Variants in RARB observed in about 807,000 individuals in gnomAD.
The protein encoded by RARB is retinoic acid receptor beta, also known as HBV-activated protein.
Under a neutral mutation model 51.9 loss-of-function variants are expected in RARB, and 17 were observed. The ratio of observed to expected loss-of-function variants is 0.33; its 90% CI spans 0.22 to 0.49. The LOEUF is 0.49. Among genes scored for constraint, RARB ranks in the 20% least tolerant of loss-of-function variants. RARB has a pLI of 0.99. For synonymous variants in RARB, 215 were observed against 195.4 expected, an observed-to-expected ratio of 1.10 and a Z score of -0.84; for missense variants, 369 against 550.8, an observed-to-expected ratio of 0.67 and a Z score of 3.30.
intron 2 of RARB, among the ~76,000 whole-genome samples, chr3:24,956,767 G>A (rs1304140239): frequency 6.6e-6 from 1 of 152,196 alleles, no homozygotes; most frequent in Non-Finnish European, 1.5e-5. Context: ...TCATACAAAG[G>A]CTTAGGAAGT....
intron 5 of RARB, among the ~76,000 whole-genome samples, chr3:25,299,703 T>C (rs1270418346): frequency 6.6e-6 from 1 of 152,216 alleles, no homozygotes; most frequent in African/African-American, 2.4e-5. Context: ...AGGAACATTA[T>C]TCTGAGAAGA....
chr3:25,195,114 C>G (rs1464031465), intron 5 of RARB, among the ~76,000 whole-genome samples: 1 of 151,950 alleles, frequency 6.6e-6, no homozygotes, highest in African/African-American at 2.4e-5. Context: ...TTTCATGGTA[C>G]AAAAGGTCTT....
chr3:25,147,520 C>T (rs904015440), intron 4 of RARB, among the ~76,000 whole-genome samples: 3 of 152,092 alleles, frequency 2.0e-5, no homozygotes, highest in Non-Finnish European at 2.9e-5. Context: ...TGTTATATCT[C>T]ATTTTCAAAA....
intron 5 of RARB, among the ~76,000 whole-genome samples, chr3:25,190,849 G>C (rs1701086179): frequency 6.6e-6 from 1 of 152,034 alleles, no homozygotes; most frequent in Non-Finnish European, 1.5e-5. Flanking sequence ...TTGGGACTTG[G>C]AGTTTTTATG....
At chr3:25,009,861 G>C (rs11129177) in intron 2 of RARB, among the ~76,000 whole-genome samples, 33,415 of 151,898 alleles carry the variant, frequency 0.22, 4,591 homozygotes, top group Admixed American at 0.36. Flanking sequence ...CAGTGGAAGG[G>C]GAGACAAGCA....
chr3:25,373,133 TCAAG>T (rs1327430995), intron 5 of RARB, among the ~76,000 whole-genome samples: 1 of 152,146 alleles, frequency 6.6e-6, no homozygotes, highest in Non-Finnish European at 1.5e-5. Flanking sequence ...GAGAAAACAG[TCAAG>T]CAGGCTGTTA....
intron 4 of RARB, among the ~76,000 whole-genome samples, chr3:25,577,923 T>A (rs6803265): frequency 0.24 from 36,756 of 152,214 alleles, 4,984 homozygotes; most frequent in African/African-American, 0.36. Flanking sequence ...CTGTAGCCCC[T>A]GCCGAAGAGG....
intron 5 of RARB, among the ~76,000 whole-genome samples, chr3:25,305,505 C>A (rs1005927942): frequency 1.1e-4 from 17 of 152,156 alleles, no homozygotes; most frequent in African/African-American, 3.9e-4. Context: ...CAGAGCTGTA[C>A]CACAAGCAAC....
chr3:25,141,691 T>G (rs1700108719), intron 4 of RARB, among the ~76,000 whole-genome samples: 1 of 152,222 alleles, frequency 6.6e-6, no homozygotes, highest in Non-Finnish European at 1.5e-5. Flanking sequence ...ATATTTAAAT[T>G]AGGGCTTTAA....
At chr3:25,156,273 T>A (rs1324131420) in intron 4 of RARB, among the ~76,000 whole-genome samples, 1 of 152,264 alleles carries the variant, frequency 6.6e-6, no homozygotes, top group East Asian at 1.9e-4. Flanking sequence ...TGATCTTCTT[T>A]GTTTCTGTAA....
intron 5 of RARB, among the ~76,000 whole-genome samples, chr3:25,250,014 T>A (rs1021389794): frequency 8.3e-6 from 1 of 119,786 alleles, no homozygotes; most frequent in Non-Finnish European, 1.7e-5. Context: ...CCCCTGGGCA[T>A]CAGAAATTGC....
intron 2 of RARB, among the ~76,000 whole-genome samples, chr3:25,476,627 C>T (rs558759613): frequency 1.3e-5 from 2 of 152,216 alleles, no homozygotes; most frequent in South Asian, 4.2e-4. Flanking sequence ...TTTCTGGGAC[C>T]TCCCCAAGCA....
At chr3:25,569,285 T>A (rs1326783748) in intron 3 of RARB, among the ~76,000 whole-genome samples, 1 of 152,222 alleles carries the variant, frequency 6.6e-6, no homozygotes, top group Admixed American at 6.5e-5. Context: ...AAAGTGCCTG[T>A]CACTTAATTC....
chr3:24,834,126 G>C (rs1262608639), intron 1 of RARB, among the ~76,000 whole-genome samples: 2 of 152,206 alleles, frequency 1.3e-5, no homozygotes, highest in African/African-American at 4.8e-5. Flanking sequence ...TCAATACTAA[G>C]AGGTTGGATA....
At chr3:25,446,239 A>G (rs1362566779) in intron 1 of RARB, among the ~76,000 whole-genome samples, 1 of 152,272 alleles carries the variant, frequency 6.6e-6, no homozygotes, top group African/African-American at 2.4e-5. Flanking sequence ...GAGGAAATGC[A>G]TGAATTTTAT....
chr3:25,394,565 A>G (rs1055436354), intron 5 of RARB, among the ~76,000 whole-genome samples: 1 of 152,092 alleles, frequency 6.6e-6, no homozygotes, highest in Admixed American at 6.6e-5. Context: ...TAATTGTTTT[A>G]TAAACTTGGG....
At chr3:25,024,966 A>AAAAAAG (rs1359588698) in intron 2 of RARB, 4 of 151,692 alleles carry the variant, frequency 2.6e-5, no homozygotes, top group Non-Finnish European at 5.9e-5. Context: ...AAAAAAAAAA[A>AAAAAAG]AAAAAAAAAG....
chr3:25,026,499 T>A (rs908232138), intron 2 of RARB, among the ~76,000 whole-genome samples: 2 of 152,216 alleles, frequency 1.3e-5, no homozygotes, highest in Non-Finnish European at 2.9e-5. Flanking sequence ...CGCACATCCC[T>A]GGTGCCTCTT....
intron 5 of RARB, among the ~76,000 whole-genome samples, chr3:25,336,052 C>T (rs796876806): frequency 6.7e-6 from 1 of 148,398 alleles, no homozygotes; most frequent in Non-Finnish European, 1.5e-5. Context: ...CACCAGAAGA[C>T]ACCCCCACTG....
Sources: gnomAD v4.1 joint callset for allele counts (sites outside exome capture counted in the v4.1 genomes callset) on GRCh38, gnomAD v4.1.1 for gene constraint, MANE v1.5 for transcripts, NCBI Gene and HGNC (gene_info 2026-07-23, HGNC 2026-07-21) for gene names.